ENPP2: variants seen among roughly 807,000 people sequenced by gnomAD.
The protein encoded by ENPP2 is ectonucleotide pyrophosphatase/phosphodiesterase 2.
A neutral mutation model predicts 120.2 loss-of-function variants in ENPP2; 51 were observed. That is an observed-to-expected ratio of 0.42 (90% CI 0.34 to 0.54). ENPP2 has a LOEUF of 0.54. ENPP2 is among the 20% of genes least tolerant of loss of function. The pLI, the probability that ENPP2 is intolerant of heterozygous loss-of-function variation, is 0.04. For synonymous variants in ENPP2, 365 were observed against 366.4 expected (o/e 1.00, Z 0.04); for missense variants, 920 against 1,066.5 (o/e 0.86, Z 1.91).
intron 9 of ENPP2, 80 bp downstream of exon 9, chr8:119,607,842 A>T (rs895309286): frequency 1.1e-6 from 1 of 895,418 alleles, no homozygotes; most frequent in Non-Finnish European, 1.7e-6. Flanking sequence ...AACTGAAACA[A>T]AATAAAACTT....
At chr8:119,592,825 C>CTTTTTTTTTTTTT (rs10602946) in intron 12 of ENPP2, 1 of 93,606 alleles carries the variant, frequency 1.1e-5, no homozygotes, top group Non-Finnish European at 2.0e-5. Flanking sequence ...ATCCCTTTGG[C>CTTTTTTTTTTTTT]TTTTTTTTTT....
intron 11 of ENPP2, among the ~76,000 whole-genome samples, chr8:119,594,670 T>C (rs1281544667): frequency 2.6e-5 from 4 of 152,118 alleles, no homozygotes. Flanking sequence ...AGGCTCTCCA[T>C]CCCCCTTTCA....
intron 2 of ENPP2, among the ~76,000 whole-genome samples, chr8:119,634,980 T>G (rs1816911288): frequency 6.6e-6 from 1 of 152,200 alleles, no homozygotes; most frequent in African/African-American, 2.4e-5. Flanking sequence ...CCCCAATTTC[T>G]ACCTGAAATT....
rs753609775 is a variant in ENPP2, at chr8:119,557,511, G to T, written c.*10C>A. The T allele has an allele frequency of 2.5e-6, 4 of 1,606,510 alleles. No individual in the cohort carries two copies. The South Asian group carries it at 4.4e-5, about 18-fold the overall frequency. ...CAGTTGATAAGACTGTACTGCAGAT[G>T]CTCAGAAAGTTAAATCTCGCTCTCA... On this transcript the variant is annotated 3_prime_UTR_variant, in exon 25 of 25. Coordinates refer to ENST00000075322, the MANE Select transcript of ENPP2 (RefSeq NM_001040092.3).
At chr8:119,598,131 G>A (rs1814035144) in intron 11 of ENPP2, among the ~76,000 whole-genome samples, 1 of 152,130 alleles carries the variant, frequency 6.6e-6, no homozygotes, top group African/African-American at 2.4e-5. Flanking sequence ...GAGAATTTTT[G>A]CTGACTTGCT....
rs764579737 is a variant in ENPP2 at position 119,601,414 on chromosome 8, G to A, written c.882C>T (p.Thr294=). 4.4e-6 allele frequency: 7 copies of A among 1,604,240 alleles called. No homozygotes were observed. In the Admixed American group the frequency reaches 1.2e-4, roughly 27 times the overall value. ...RRILTILQWL[T]LPDHERPSVY... is the part of the protein sequence containing the mutation. ...ATAAATACCTCTCATGATCTGGCAG[G>A]GTGAGCCACTGCAATATGGTTAATA... Residue 294 remains threonine, a synonymous_variant, in exon 10 of 25, where the codon ACC becomes ACT. Coordinates refer to ENST00000075322, the MANE Select transcript of ENPP2 (RefSeq NM_001040092.3).
chr8:119,616,855 G>C (rs1815489915), intron 7 of ENPP2, among the ~76,000 whole-genome samples: 1 of 152,122 alleles, frequency 6.6e-6, no homozygotes, highest in Non-Finnish European at 1.5e-5. Flanking sequence ...TAGCCCTGAA[G>C]TCAACATTTT....
intron 4 of ENPP2, among the ~76,000 whole-genome samples, chr8:119,619,783 CA>C (rs1374868572): frequency 2.7e-5 from 4 of 150,450 alleles, no homozygotes; most frequent in African/African-American, 4.9e-5. Flanking sequence ...GATTATTTGC[CA>C]ATAAATCTCC....
intron 8 of ENPP2, among the ~76,000 whole-genome samples, chr8:119,613,114 A>G (rs1815228622): frequency 1.3e-5 from 2 of 152,242 alleles, no homozygotes; most frequent in African/African-American, 4.8e-5. Context: ...GTATCTTTGT[A>G]TTAGAAATTG....
chr8:119,604,097 G>A (rs113683491), intron 9 of ENPP2, among the ~76,000 whole-genome samples: 7,174 of 149,518 alleles, frequency 0.048, 253 homozygotes, highest in South Asian at 0.12. Context: ...ACACAATCTC[G>A]GCTCACTGCA....
intron 9 of ENPP2, among the ~76,000 whole-genome samples, chr8:119,605,595 G>T (rs938734440): frequency 1.3e-5 from 2 of 151,238 alleles, no homozygotes; most frequent in Non-Finnish European, 2.9e-5. Context: ...CAGGTAGCTG[G>T]GATTACAGAC....
chr8:119,562,661 T>C (rs1033602171), intron 24 of ENPP2, among the ~76,000 whole-genome samples, 196 bp downstream of exon 24: 2 of 152,180 alleles, frequency 1.3e-5, no homozygotes, highest in Admixed American at 1.3e-4. Context: ...AATGCACACA[T>C]ATATTGAAAA....
At chr8:119,571,536 G>C (rs976557196) in intron 19 of ENPP2, 1 of 152,050 alleles carries the variant, frequency 6.6e-6, no homozygotes, top group African/African-American at 2.4e-5. Context: ...GAAAAAAAAA[G>C]GTCTGAAGCT....
chr8:119,589,042 T>A (rs940829035), intron 13 of ENPP2, among the ~76,000 whole-genome samples: 2 of 152,232 alleles, frequency 1.3e-5, no homozygotes, highest in Non-Finnish European at 2.9e-5. Context: ...TATCACACAA[T>A]GCTATTAAAA....
Position 119,580,140 on chromosome 8 carries a change from G to A in ENPP2, c.1756C>T (p.Leu586Phe). The part of the protein sequence containing the change: ...KNKLDELNKR[L>F]HTKGSTEERH... The stretch of plus-strand genomic sequence containing the variant: ...CCTTCTGTAGACCCTTTTGTATGAA[G>A]CCGTTTGTTGAGTTCATCCAACTTG... Residue 586 changes from leucine to phenylalanine, a missense_variant, in exon 19 of 25, where the codon CTT becomes TTT. Leu to Phe is a conservative substitution (Grantham distance 22). Coordinates refer to ENST00000075322, the MANE Select transcript of ENPP2 (RefSeq NM_001040092.3). The A allele has an allele frequency of 1.2e-6, 2 of 1,613,352 alleles. No homozygotes were observed. The highest frequency in any genetic ancestry group is 1.7e-6 in the Non-Finnish European group (2 of 1,179,304).
intron 1 of ENPP2, among the ~76,000 whole-genome samples, chr8:119,660,286 T>C (rs983587326): frequency 6.6e-6 from 1 of 152,244 alleles, no homozygotes; most frequent in African/African-American, 2.4e-5. Context: ...TCTTGTAATT[T>C]CTTTTCAGAC....
intron 18 of ENPP2, 103 bp from the exon 19 acceptor site, chr8:119,580,270 G>A (rs1300636077): frequency 2.1e-5 from 18 of 875,962 alleles, no homozygotes; most frequent in East Asian, 1.7e-4. Flanking sequence ...ATTCAAAAGC[G>A]AACTCTAAAC....
chr8:119,670,860 T>C (rs1051005732), intron 1 of ENPP2, among the ~76,000 whole-genome samples: 1 of 152,042 alleles, frequency 6.6e-6, no homozygotes, highest in Non-Finnish European at 1.5e-5. Context: ...GATATAACAA[T>C]GAAGAGGAAG....
At chr8:119,646,715 A>G (rs942702783) in intron 1 of ENPP2, among the ~76,000 whole-genome samples, 1 of 152,198 alleles carries the variant, frequency 6.6e-6, no homozygotes, top group Non-Finnish European at 1.5e-5. Flanking sequence ...ATCACCTAGC[A>G]CAATGCCCAG....
Sources: allele counts gnomAD v4.1 joint callset (sites outside exome capture counted in the v4.1 genomes callset), GRCh38; gene constraint gnomAD v4.1.1; transcripts MANE v1.5; gene names NCBI Gene and HGNC (gene_info 2026-07-23, HGNC 2026-07-21).